Variants in CNTNAP5 observed in about 807,000 individuals in gnomAD.
CNTNAP5 encodes contactin associated protein family member 5.
A neutral mutation model predicts 150.2 loss-of-function variants in CNTNAP5; 72 were observed. The observed-to-expected ratio is 0.48, with a 90% CI of 0.40 to 0.58. The LOEUF is 0.58. Ranked by LOEUF, CNTNAP5 falls within the 20% of genes least tolerant of loss-of-function variation. The probability of loss-of-function intolerance (pLI) is 0.00; values close to 1 mark genes in which losing one functional copy is unlikely to be tolerated. For missense variants in CNTNAP5, 1,636 were observed against 1,626.2 expected, an observed-to-expected ratio of 1.01 and a Z score of -0.10; for synonymous variants, 672 against 619.8, an observed-to-expected ratio of 1.08 and a Z score of -1.25.
intron 19 of CNTNAP5, among the ~76,000 whole-genome samples, chr2:124,815,971 T>C (rs1682353234): frequency 6.6e-6 from 1 of 152,192 alleles, no homozygotes; most frequent in Non-Finnish European, 1.5e-5. Context: ...AAACCAGGAC[T>C]AATGTTCTTC....
intron 18 of CNTNAP5, among the ~76,000 whole-genome samples, chr2:124,796,965 C>A (rs759843460): frequency 1.3e-5 from 2 of 152,174 alleles, no homozygotes; most frequent in African/African-American, 4.8e-5. Context: ...AGCATTTGGA[C>A]AGATGAACAT....
intron 4 of CNTNAP5, among the ~76,000 whole-genome samples, chr2:124,430,017 C>T (rs577180333): frequency 3.3e-5 from 5 of 152,246 alleles, no homozygotes; most frequent in South Asian, 4.1e-4. Context: ...GATGCATTGA[C>T]GTGTTGGACA....
intron 3 of CNTNAP5, among the ~76,000 whole-genome samples, chr2:124,280,071 T>G (rs150929658): frequency 6.6e-6 from 1 of 152,072 alleles, no homozygotes; most frequent in Non-Finnish European, 1.5e-5. Flanking sequence ...TCCTACTGCA[T>G]GTGTTTCAAG....
At chr2:124,063,873 C>T (rs1682081054) in intron 1 of CNTNAP5, among the ~76,000 whole-genome samples, 1 of 152,106 alleles carries the variant, frequency 6.6e-6, no homozygotes, top group Non-Finnish European at 1.5e-5. Flanking sequence ...ATTCTTGGTG[C>T]TAGATATTTG....
At chr2:124,223,758 G>A (rs769851252) in intron 2 of CNTNAP5, among the ~76,000 whole-genome samples, 46 of 151,626 alleles carry the variant, frequency 3.0e-4, no homozygotes, top group Non-Finnish European at 2.2e-4. Flanking sequence ...TCGGCTCACC[G>A]GGGAATTTGA....
chr2:124,281,403 C>T (rs148950904), intron 3 of CNTNAP5, among the ~76,000 whole-genome samples: 5 of 152,156 alleles, frequency 3.3e-5, no homozygotes, highest in African/African-American at 7.2e-5. Context: ...TGATGGCACT[C>T]GGAGATTTTG....
chr2:124,145,509 T>C (rs1312924224), intron 1 of CNTNAP5, among the ~76,000 whole-genome samples: 1 of 18,252 alleles, frequency 5.5e-5, no homozygotes, highest in African/African-American at 2.2e-4. Flanking sequence ...ATGGATGAAA[T>C]TGGAAACCAT....
chr2:124,839,731 G>T (rs911237434), intron 19 of CNTNAP5, among the ~76,000 whole-genome samples: 7 of 152,054 alleles, frequency 4.6e-5, no homozygotes, highest in African/African-American at 1.4e-4. Flanking sequence ...AAGCCCTTTA[G>T]CATCTGACCC....
At chr2:124,528,719 G>A (rs1301709612) in intron 10 of CNTNAP5, among the ~76,000 whole-genome samples, 1 of 152,146 alleles carries the variant, frequency 6.6e-6, no homozygotes, top group African/African-American at 2.4e-5. Flanking sequence ...AGGACTTTGT[G>A]TACCAGTGGG....
At chr2:124,713,213 T>TTCTCTCTC (rs1475150671) in intron 13 of CNTNAP5, among the ~76,000 whole-genome samples, 1 of 121,302 alleles carries the variant, frequency 8.2e-6, no homozygotes, top group East Asian at 2.3e-4. Flanking sequence ...CTTCCTTTCT[T>TTCTCTCTC]TCTCTGTTTC....
chr2:124,068,357 A>G (rs1682215998), intron 1 of CNTNAP5, among the ~76,000 whole-genome samples: 1 of 152,154 alleles, frequency 6.6e-6, no homozygotes, highest in African/African-American at 2.4e-5. Context: ...GAGCAAAGCC[A>G]TCTTCGACTC....
At chr2:124,796,431 A>G (rs1352942478) in intron 18 of CNTNAP5, among the ~76,000 whole-genome samples, 1 of 152,188 alleles carries the variant, frequency 6.6e-6, no homozygotes, top group Non-Finnish European at 1.5e-5. Flanking sequence ...AAAATTCTTG[A>G]ATCAAGCTGA....
At chr2:124,391,668 A>C (rs1691112289) in intron 3 of CNTNAP5, among the ~76,000 whole-genome samples, 1 of 152,204 alleles carries the variant, frequency 6.6e-6, no homozygotes, top group Admixed American at 6.5e-5. Context: ...CAAAAAAAGA[A>C]AGGGAGGCCG....
rs777221981 is a variant in CNTNAP5, at chr2:124,025,624, T to C, written c.-27T>C. The C allele has an allele frequency of 3.1e-6, 5 of 1,610,702 alleles. No homozygotes were observed. Among genetic ancestry groups the C allele is most frequent in the African/African-American group, 1.3e-5 (1 of 74,824 alleles). On this transcript the variant is annotated 5_prime_UTR_variant, in exon 1 of 24. Coordinates refer to ENST00000682447, the MANE Select transcript of CNTNAP5 (RefSeq NM_001367498.1). ...TGGCTACTGCGAATTTGGGATTCGA[T>C]TGGGAGGGACCGCTCACTCGGGGGA...
intron 1 of CNTNAP5, among the ~76,000 whole-genome samples, chr2:124,178,656 G>A (rs1685126226): frequency 6.6e-6 from 1 of 152,146 alleles, no homozygotes; most frequent in African/African-American, 2.4e-5. Flanking sequence ...GTTCCTCAGA[G>A]GTAGTGCTCA....
chr2:124,146,812 A>C (rs1684265126), intron 1 of CNTNAP5, among the ~76,000 whole-genome samples: 1 of 152,172 alleles, frequency 6.6e-6, no homozygotes, highest in Non-Finnish European at 1.5e-5. Context: ...AAGACATTTT[A>C]AGTTTTATTT....
At chr2:124,534,659 G>T (rs534104334) in intron 10 of CNTNAP5, among the ~76,000 whole-genome samples, 1 of 152,138 alleles carries the variant, frequency 6.6e-6, no homozygotes, top group East Asian at 1.9e-4. Flanking sequence ...TGGATCACGA[G>T]GTCAGGACAT....
intron 13 of CNTNAP5, among the ~76,000 whole-genome samples, chr2:124,730,498 A>T (rs978808762): frequency 1.3e-5 from 2 of 152,044 alleles, no homozygotes; most frequent in African/African-American, 4.8e-5. Context: ...CATAAATTCA[A>T]TTCTTCTTCT....
chr2:124,702,346 C>CTTTTTTTTTTTT lies in CNTNAP5; in HGVS notation c.2078-44844_2078-44833dup, dbSNP rs71412792. Among the ~76,000 whole-genome samples, 13 of 52,250 alleles carry CTTTTTTTTTTTT rather than the reference C, an allele frequency of 2.5e-4. 3 individuals carry two copies. Among genetic ancestry groups the CTTTTTTTTTTTT allele is most frequent in the African/African-American group, 3.7e-4 (5 of 13,396 alleles). The allele number at this position is 52,250 out of a possible 152,430, so 34.3% of individuals were successfully genotyped here. Reference sequence around the variant, plus strand: ...ATGTCCTTCTGTGAAACTATGAACACTTTTTTTTTTTTTTTTTTTTTTTTT... The same window carrying CTTTTTTTTTTTT: ...ATGTCCTTCTGTGAAACTATGAACACTTTTTTTTTTTTTTTTTTTTTTTTTTTTTTTTTTTTT... On this transcript the variant is annotated intron_variant, in intron 13 of 23. Transcript: ENST00000682447.
Sources: allele counts gnomAD v4.1 joint callset (sites outside exome capture counted in the v4.1 genomes callset), GRCh38; gene constraint gnomAD v4.1.1; transcripts MANE v1.5; gene names NCBI Gene and HGNC (gene_info 2026-07-23, HGNC 2026-07-21).